The following ARSB variants were observed in gnomAD, a reference collection of about 807,000 sequenced individuals.
The protein encoded by ARSB is arylsulfatase B.
ARSB carries 41 observed loss-of-function variants against 50.9 expected under a neutral mutation model. That is an observed-to-expected ratio of 0.81 (90% CI 0.63 to 1.04). The LOEUF is 1.04. Among genes scored for constraint, ARSB ranks in the 50% least tolerant of loss-of-function variants. The pLI is 0.00. For missense variants in ARSB, 672 were observed against 693.3 expected (o/e 0.97, Z 0.35); for synonymous variants, 269 against 284.8 (o/e 0.94, Z 0.56).
intron 5 of ARSB, among the ~76,000 whole-genome samples, chr5:78,860,151 G>C (rs548502160): frequency 1.3e-5 from 2 of 152,278 alleles, no homozygotes; most frequent in Admixed American, 1.3e-4. Flanking sequence ...GCTTGGTCCA[G>C]AGCTGAGTTC....
intron 6 of ARSB, among the ~76,000 whole-genome samples, chr5:78,822,309 T>C (rs1040180775): frequency 5.9e-5 from 9 of 152,176 alleles, no homozygotes; most frequent in African/African-American, 2.2e-4. Context: ...TTGGTCTTTA[T>C]CAAGACACTC....
chr5:78,927,042 C>G (rs1750086396), intron 4 of ARSB, among the ~76,000 whole-genome samples: 1 of 152,134 alleles, frequency 6.6e-6, no homozygotes, highest in South Asian at 2.1e-4. Flanking sequence ...CCATCACACC[C>G]AGCTAATTTT....
chr5:78,796,441 G>A (rs886914142), intron 6 of ARSB, among the ~76,000 whole-genome samples: 5 of 152,244 alleles, frequency 3.3e-5, no homozygotes, highest in African/African-American at 7.2e-5. Flanking sequence ...GATCCAGGAA[G>A]AGCCCTATGG....
chr5:78,859,760 G>C (rs932985761), intron 5 of ARSB, among the ~76,000 whole-genome samples: 4 of 151,868 alleles, frequency 2.6e-5, no homozygotes, highest in African/African-American at 7.3e-5. Flanking sequence ...TGTCCTTAGA[G>C]AGGCACCATT....
intron 6 of ARSB, chr5:78,816,082 G>T (rs1436144463): frequency 3.1e-6 from 5 of 1,613,988 alleles, no homozygotes; most frequent in African/African-American, 1.3e-5. Flanking sequence ...AAAGTTGGTG[G>T]TAGCTACAAC....
chr5:78,934,756 A>G (rs1442836572), intron 4 of ARSB, among the ~76,000 whole-genome samples: 1 of 152,168 alleles, frequency 6.6e-6, no homozygotes, highest in Non-Finnish European at 1.5e-5. Flanking sequence ...AGATCACGCC[A>G]CTGCACTACG....
At chr5:78,838,034 CA>C (rs1745026074) in intron 6 of ARSB, among the ~76,000 whole-genome samples, 2 of 152,286 alleles carry the variant, frequency 1.3e-5, no homozygotes, top group Non-Finnish European at 1.5e-5. Context: ...ACTGAGTCAT[CA>C]AGTAATCATT....
At chr5:78,795,511 C>T (rs1743145029) in intron 6 of ARSB, among the ~76,000 whole-genome samples, 1 of 152,144 alleles carries the variant, frequency 6.6e-6, no homozygotes, top group South Asian at 2.1e-4. Context: ...CCAGCGTGTA[C>T]CAAAGAAGAG....
chr5:78,942,179 CTTT>C lies in ARSB; in HGVS notation c.898+13113_898+13115del, dbSNP rs747335999. ...CTATTTGATTCTTCTCTCTTTTCTT[CTTT>C]ATTAGTCTTGCTAGCGGTCTATCAA... On this transcript the variant is annotated intron_variant, in intron 4 of 7. Transcript: ENST00000264914. Among the ~76,000 whole-genome samples the C allele has an allele frequency of 1.1e-4, 17 of 152,178 alleles. No homozygotes were observed. The East Asian group carries it at 2.9e-3, about 26-fold the overall frequency.
chr5:78,955,404 C>T lies in ARSB; in HGVS notation c.789G>A (p.Arg263=), dbSNP rs2112483929. 1.9e-6 allele frequency: 3 copies of T among 1,614,168 alleles called. No homozygotes were observed. The highest frequency in any genetic ancestry group is 2.5e-6 in the Non-Finnish European group (3 of 1,180,014). The change falls in exon 4 of 8, where the codon AGG becomes AGA. Residue 263 remains arginine (R), a synonymous_variant. Transcript: ENST00000264914. ...KPYDFIQDKN[R]HHYAGMVSLM... ...GGGACACCATTCCTGCATAGTGATG[C>T]CTGTTCTTGTCTTGGATAAAGTCAT...
chr5:78,885,755 C>A lies in ARSB; in HGVS notation c.971G>T (p.Gly324Val), dbSNP rs398123125. ...LRGRKWSLWE[G>V]GVRGVGFVAS... is the part of the protein sequence containing the mutation. Reference sequence around the variant, plus strand: ...CACAAAGCCCACCCCTCGGACGCCTCCTTCCCACAGGCTCCATTTTCTTCC... The same window carrying A: ...CACAAAGCCCACCCCTCGGACGCCTACTTCCCACAGGCTCCATTTTCTTCC... The change falls in exon 5 of 8, where the codon GGA becomes GTA. Residue 324 changes from glycine (G) to valine (V), a missense_variant. Coordinates refer to ENST00000264914, the MANE Select transcript of ARSB (RefSeq NM_000046.5). 9 of 1,614,010 alleles carry A rather than the reference C, an allele frequency of 5.6e-6. No individual in the cohort carries two copies. The African/African-American group carries it at 1.1e-4, about 19-fold the overall frequency.
At chr5:78,898,526 C>A (rs1173872781) in intron 4 of ARSB, among the ~76,000 whole-genome samples, 2 of 152,112 alleles carry the variant, frequency 1.3e-5, no homozygotes, top group Non-Finnish European at 1.5e-5. Flanking sequence ...TTTAGGAAAT[C>A]AAATTTAGCT....
intron 6 of ARSB, among the ~76,000 whole-genome samples, chr5:78,782,700 C>CA (rs1748961965): frequency 6.6e-6 from 1 of 152,092 alleles, no homozygotes; most frequent in Admixed American, 6.5e-5. Flanking sequence ...ACAGATGGAA[C>CA]AAAAAATACT....
chr5:78,969,468 T>C (rs1752354228), intron 1 of ARSB, among the ~76,000 whole-genome samples: 1 of 143,292 alleles, frequency 7.0e-6, no homozygotes, highest in African/African-American at 2.5e-5. Context: ...AACTTGTTAC[T>C]TTTTGCCTCA....
At position 78,839,148 on chromosome 5, in the gene ARSB, A is replaced by G. The variant is rs532550271; in HGVS notation, c.1213+208T>C. 1.2e-4 allele frequency among the ~76,000 whole-genome samples: 18 copies of G among 151,070 alleles called. No homozygotes were observed. The East Asian group carries it at 1.6e-3, about 13-fold the overall frequency. On this transcript the variant is annotated intron_variant, in intron 6 of 7. Coordinates refer to ENST00000264914, the MANE Select transcript of ARSB (RefSeq NM_000046.5). ...AAGGCTAGTAAGCGGCAGAGCAAGA[A>G]TAGAATTCACCTTTCTTATTTCATA...
intron 6 of ARSB, among the ~76,000 whole-genome samples, chr5:78,808,576 C>A (rs941075923): frequency 6.6e-6 from 1 of 152,168 alleles, no homozygotes; most frequent in African/African-American, 2.4e-5. Context: ...GCTCAGCATG[C>A]TCTCCGGGCA....
chr5:78,854,938 T>C (rs1746063572), intron 5 of ARSB, among the ~76,000 whole-genome samples: 1 of 152,144 alleles, frequency 6.6e-6, no homozygotes, highest in Non-Finnish European at 1.5e-5. Context: ...TGCAGAGAAA[T>C]ATGCTGTACC....
rs560776199 is a variant in ARSB at position 78,823,196 on chromosome 5, T to C, written c.1213+16160A>G. On this transcript the variant is annotated intron_variant, in intron 6 of 7. Coordinates refer to ENST00000264914, the MANE Select transcript of ARSB (RefSeq NM_000046.5). The stretch of plus-strand genomic sequence containing the variant: ...ATTTTTGGGAGGTGAGAAAACAGGT[T>C]CACTGAGTCCAGGAGGCAGGCCAAG... Among the ~76,000 whole-genome samples the C allele has an allele frequency of 2.0e-5, 3 of 152,280 alleles. No individual in the cohort carries two copies. In the East Asian group the frequency reaches 5.8e-4, roughly 29 times the overall value.
chr5:78,868,514 T>G (rs1282475722), intron 5 of ARSB, among the ~76,000 whole-genome samples: 6 of 126,686 alleles, frequency 4.7e-5, no homozygotes, highest in African/African-American at 9.0e-5. Flanking sequence ...TATTCAACAT[T>G]CTTAAAGAAA....
Sources: allele counts gnomAD v4.1 joint callset (sites outside exome capture counted in the v4.1 genomes callset), GRCh38; gene constraint gnomAD v4.1.1; transcripts MANE v1.5; gene names NCBI Gene and HGNC (gene_info 2026-07-23, HGNC 2026-07-21).